The following PRDM5 variants were observed in gnomAD, a reference collection of about 807,000 sequenced individuals.
PRDM5 encodes the protein PR/SET domain 5.
A neutral mutation model predicts 81.2 loss-of-function variants in PRDM5; 56 were observed. The observed-to-expected ratio is 0.69, with a 90% CI of 0.56 to 0.86. The LOEUF is 0.86. Among genes scored for constraint, PRDM5 ranks in the 40% least tolerant of loss-of-function variants. The pLI, the probability that PRDM5 is intolerant of heterozygous loss-of-function variation, is 0.00. For synonymous variants in PRDM5, 267 were observed against 256.4 expected (o/e 1.04, Z -0.39); for missense variants, 697 against 770.1 (o/e 0.91, Z 1.12).
At chr4:120,753,456 A>G (rs1382215971) in intron 14 of PRDM5, among the ~76,000 whole-genome samples, 1 of 152,182 alleles carries the variant, frequency 6.6e-6, no homozygotes, top group Non-Finnish European at 1.5e-5. Context: ...ATTTGCTTTA[A>G]TAAGTGGAGA....
At chr4:120,686,456 TCTAA>T (rs1349439797) in intron 1 of PRDM5, among the ~76,000 whole-genome samples, 3 of 152,134 alleles carry the variant, frequency 2.0e-5, no homozygotes, top group African/African-American at 7.2e-5. Context: ...ATTTCGTGCT[TCTAA>T]CTGATAATCT....
At chr4:120,844,543 C>T (rs1430244978) in intron 3 of PRDM5, among the ~76,000 whole-genome samples, 2 of 152,140 alleles carry the variant, frequency 1.3e-5, no homozygotes, top group Non-Finnish European at 2.9e-5. Context: ...GTTTAGGGGG[C>T]CACCATAAAC....
At chr4:120,705,585 T>C (rs1480801432) in intron 15 of PRDM5, among the ~76,000 whole-genome samples, 1 of 152,074 alleles carries the variant, frequency 6.6e-6, no homozygotes, top group Non-Finnish European at 1.5e-5. Context: ...TGGAGGGTGC[T>C]GATGGAGTCA....
intron 3 of PRDM5, among the ~76,000 whole-genome samples, chr4:120,834,724 G>C (rs868168212): frequency 6.6e-6 from 1 of 152,120 alleles, no homozygotes; most frequent in Non-Finnish European, 1.5e-5. Flanking sequence ...CCTAAAAAGT[G>C]TAGGTGGGCC....
intron 12 of PRDM5, among the ~76,000 whole-genome samples, 154 bp from the exon 13 acceptor site, chr4:120,777,435 G>T (rs548997492): frequency 2.0e-5 from 3 of 152,020 alleles, no homozygotes; most frequent in Admixed American, 2.0e-4. Context: ...ATTTATGATG[G>T]ATATTCCCAC....
intron 10 of PRDM5, among the ~76,000 whole-genome samples, chr4:120,796,507 T>C (rs1034374961): frequency 6.6e-6 from 1 of 152,130 alleles, no homozygotes; most frequent in African/African-American, 2.4e-5. Context: ...TAAATGTGGA[T>C]AGATCAGTTT....
intron 10 of PRDM5, among the ~76,000 whole-genome samples, chr4:120,786,757 T>C (rs922497615): frequency 4.6e-5 from 7 of 152,172 alleles, no homozygotes; most frequent in African/African-American, 1.4e-4. Flanking sequence ...CAAAAATCTT[T>C]GATGACAAAA....
chr4:120,783,821 T>C (rs1749384778), intron 11 of PRDM5, among the ~76,000 whole-genome samples: 1 of 152,114 alleles, frequency 6.6e-6, no homozygotes. Context: ...GCAGATTGCA[T>C]TTCATCAGAA....
intron 3 of PRDM5, among the ~76,000 whole-genome samples, chr4:120,845,676 C>T (rs1458407758): frequency 6.6e-6 from 1 of 152,172 alleles, no homozygotes; most frequent in African/African-American, 2.4e-5. Flanking sequence ...AGACAACATC[C>T]ATTCTGCAGC....
intron 2 of PRDM5, among the ~76,000 whole-genome samples, chr4:120,882,842 C>T (rs1762994995): frequency 6.6e-6 from 1 of 152,144 alleles, no homozygotes. Flanking sequence ...AACGTACGTG[C>T]CTCATACACA....
intron 10 of PRDM5, 133 bp from the exon 11 acceptor site, chr4:120,785,224 T>C: frequency 1.4e-6 from 1 of 699,894 alleles, no homozygotes; most frequent in East Asian, 2.7e-5. Context: ...TCTAGTGCCA[T>C]TCTTCCACCG....
chr4:120,860,958 A>G (rs939115232), intron 2 of PRDM5, among the ~76,000 whole-genome samples: 3 of 152,180 alleles, frequency 2.0e-5, no homozygotes, highest in Non-Finnish European at 4.4e-5. Context: ...CCAATTTTTA[A>G]TATAGATTTC....
chr4:120,795,091 T>G (rs912612349), intron 10 of PRDM5, among the ~76,000 whole-genome samples: 3 of 152,216 alleles, frequency 2.0e-5, no homozygotes, highest in Admixed American at 2.0e-4. Flanking sequence ...CTCTAAAGTT[T>G]CATCCCTGGA....
At chr4:120,907,634 G>C in intron 1 of PRDM5, 77 bp from the exon 2 acceptor site, 1 of 1,177,590 alleles carries the variant, frequency 8.5e-7, no homozygotes, top group East Asian at 2.3e-5. Context: ...TTTTTCTTCT[G>C]GAATGTTTTT....
chr4:120,829,052 T>A (rs550950481), intron 3 of PRDM5, among the ~76,000 whole-genome samples: 1 of 152,072 alleles, frequency 6.6e-6, no homozygotes, highest in East Asian at 1.9e-4. Flanking sequence ...GCTGATCTGA[T>A]TACTGCTTTC....
At position 120,873,382 on chromosome 4, in the gene PRDM5, T is replaced by C. The variant is rs541274203; in HGVS notation, c.178-19842A>G. The stretch of plus-strand genomic sequence containing the variant: ...TTGTACAGACAGTGGGCTCAAGATA[T>C]GTGCTCAATTTTCATGAGTCTTTGA... On this transcript the variant is annotated intron_variant, in intron 2 of 15. Transcript: ENST00000264808. Among the ~76,000 whole-genome samples the C allele has an allele frequency of 7.2e-5, 11 of 152,312 alleles. No homozygotes were observed. In the East Asian group the frequency reaches 2.1e-3, roughly 29 times the overall value.
At chr4:120,742,447 G>A in intron 14 of PRDM5, among the ~76,000 whole-genome samples, 1 of 152,350 alleles carries the variant, frequency 6.6e-6, no homozygotes, top group Admixed American at 6.5e-5. Flanking sequence ...TTGACGAGTT[G>A]AGAGAAGAAG....
rs76061075 is a variant in PRDM5 at position 120,913,098 on chromosome 4, T to C, written c.94-5541A>G. Reference sequence around the variant, plus strand: ...CATTAGTACTAGAACACTGATCGTGTTAAGGGTACTAATGTATCCAGGTAA... The same window carrying C: ...CATTAGTACTAGAACACTGATCGTGCTAAGGGTACTAATGTATCCAGGTAA... On this transcript the variant is annotated intron_variant, in intron 1 of 15. Coordinates refer to ENST00000264808, the MANE Select transcript of PRDM5 (RefSeq NM_018699.4). Among the ~76,000 whole-genome samples, 463 of 152,348 alleles carry C rather than the reference T, an allele frequency of 3.0e-3. 2 individuals are homozygous for C. The highest frequency in any genetic ancestry group is 0.011 in the African/African-American group (441 of 41,582).
In PRDM5 at chr4:120,719,344, T is replaced by G. The variant is rs193017228; in HGVS notation, c.1624-8931A>C. 3.3e-4 allele frequency among the ~76,000 whole-genome samples: 51 copies of G among 152,336 alleles called. 2 individuals carry two copies. Among genetic ancestry groups the G allele is most frequent in the South Asian group, 1.9e-3 (9 of 4,826 alleles). On this transcript the variant is annotated intron_variant, in intron 14 of 15. Coordinates refer to ENST00000264808, the MANE Select transcript of PRDM5 (RefSeq NM_018699.4). The stretch of plus-strand genomic sequence containing the variant: ...CAGAGTGATGCTTTTATAAAATATA[T>G]TAAAAACGAATTACTAGAAAAATTA...
Sources: allele counts gnomAD v4.1 joint callset (sites outside exome capture counted in the v4.1 genomes callset), GRCh38; gene constraint gnomAD v4.1.1; transcripts MANE v1.5; gene names NCBI Gene and HGNC (gene_info 2026-07-23, HGNC 2026-07-21).